Variants in CNTN1 observed in about 807,000 individuals in gnomAD.
The protein encoded by CNTN1 is contactin 1.
Under a neutral mutation model 126.4 loss-of-function variants are expected in CNTN1, and 38 were observed. The ratio of observed to expected loss-of-function variants is 0.30; its 90% CI spans 0.23 to 0.39. The LOEUF is 0.39. Ranked by LOEUF, CNTN1 falls within the 10% of genes least tolerant of loss-of-function variation. The pLI is 1.00. For synonymous variants in CNTN1, 413 were observed against 422.6 expected (o/e 0.98, Z 0.28); for missense variants, 1,009 against 1,248.4 (o/e 0.81, Z 2.89).
At chr12:41,061,709 G>A in intron 23 of CNTN1, 1 of 439,598 alleles carries the variant, frequency 2.3e-6, no homozygotes, top group Non-Finnish European at 4.6e-6. Flanking sequence ...TACAGACTCA[G>A]GGCTGTAGTA....
At chr12:40,920,312 C>A (rs1393285536) in intron 4 of CNTN1, among the ~76,000 whole-genome samples, 1 of 148,510 alleles carries the variant, frequency 6.7e-6, no homozygotes, top group Non-Finnish European at 1.5e-5. Context: ...CATGCCCCCA[C>A]CCCACAGGCA....
At chr12:41,031,100 AAGG>A (rs1949137343) in intron 23 of CNTN1, among the ~76,000 whole-genome samples, 1 of 152,164 alleles carries the variant, frequency 6.6e-6, no homozygotes, top group South Asian at 2.1e-4. Context: ...TCCTCACCGA[AAGG>A]AGAACCTAGC....
chr12:41,003,157 T>G (rs1360071811), intron 17 of CNTN1, among the ~76,000 whole-genome samples: 1 of 152,148 alleles, frequency 6.6e-6, no homozygotes, highest in Non-Finnish European at 1.5e-5. Flanking sequence ...CATGACGGGG[T>G]GTTGAATTTT....
chr12:40,888,947 C>A (rs1315721360), intron 1 of CNTN1, among the ~76,000 whole-genome samples: 1 of 152,262 alleles, frequency 6.6e-6, no homozygotes, highest in Non-Finnish European at 1.5e-5. Flanking sequence ...TCCTGCCACT[C>A]GGTTCACTCC....
chr12:40,718,156 T>C (rs1247243634), intron 1 of CNTN1, among the ~76,000 whole-genome samples: 1 of 151,914 alleles, frequency 6.6e-6, no homozygotes, highest in Non-Finnish European at 1.5e-5. Flanking sequence ...TTTCCTGAGG[T>C]TCATGAAAGG....
intron 1 of CNTN1, among the ~76,000 whole-genome samples, chr12:40,810,246 A>T (rs1354698961): frequency 6.6e-6 from 1 of 152,164 alleles, no homozygotes; most frequent in Non-Finnish European, 1.5e-5. Context: ...TATACTTGAC[A>T]AATAAAAATT....
intron 1 of CNTN1, among the ~76,000 whole-genome samples, chr12:40,710,157 A>G (rs1182914123): frequency 6.6e-6 from 1 of 152,120 alleles, no homozygotes; most frequent in Admixed American, 6.6e-5. Context: ...CAGAGGAATC[A>G]CTATGGCAGC....
At chr12:40,917,005 C>T (rs10784948) in intron 3 of CNTN1, among the ~76,000 whole-genome samples, 18,469 of 125,086 alleles carry the variant, frequency 0.15, 1,188 homozygotes, top group Middle Eastern at 0.19. Context: ...CCCTTTGAAA[C>T]ATTTTGGGTT....
chr12:40,968,050 G>A lies in CNTN1; in HGVS notation c.1804+8816G>A, dbSNP rs1032994702. On this transcript the variant is annotated intron_variant, in intron 15 of 23. Transcript: ENST00000551295. ...GATTTAATTTTAAAGGACAGGTATCGTTACTGTATTATATTCATTTTACAC... is the reference window on the plus strand; with the variant it reads ...GATTTAATTTTAAAGGACAGGTATCATTACTGTATTATATTCATTTTACAC... Among the ~76,000 whole-genome samples the A allele has an allele frequency of 6.0e-5, 9 of 151,212 alleles. No homozygotes were observed. The Admixed American group carries it at 6.0e-4, about 10-fold the overall frequency.
At chr12:40,814,907 C>T (rs1251293482) in intron 1 of CNTN1, among the ~76,000 whole-genome samples, 3 of 152,056 alleles carry the variant, frequency 2.0e-5, no homozygotes, top group Non-Finnish European at 2.9e-5. Context: ...CGAAAAGGTC[C>T]TTCCCATCCC....
At chr12:40,933,421 C>T (rs1295623877) in intron 7 of CNTN1, 40 bp from the exon 8 acceptor site, 1 of 1,264,074 alleles carries the variant, frequency 7.9e-7, no homozygotes, top group African/African-American at 1.5e-5. Flanking sequence ...TAATATTGTG[C>T]CTAATAATTA....
rs1287650880 is a variant in CNTN1, at chr12:40,762,176, C to T, written c.-77+69584C>T. 2.0e-5 allele frequency among the ~76,000 whole-genome samples: 3 copies of T among 152,156 alleles called. No individual in the cohort carries two copies. In the East Asian group the frequency reaches 5.8e-4, roughly 29 times the overall value. On this transcript the variant is annotated intron_variant, in intron 1 of 23. Transcript: ENST00000551295. ...CTTTCAAAGGAATAGTAAGTACAAA[C>T]ATTATGAATTTTACTGTTACACATA...
intron 20 of CNTN1, 57 bp from the exon 21 acceptor site, chr12:41,025,093 T>C (rs1949010687): frequency 6.4e-7 from 1 of 1,572,354 alleles, no homozygotes; most frequent in Admixed American, 1.7e-5. Flanking sequence ...AAGAGAACTT[T>C]TCATAGCTGA....
chr12:40,759,329 C>T (rs1450717237), intron 1 of CNTN1, among the ~76,000 whole-genome samples: 1 of 152,086 alleles, frequency 6.6e-6, no homozygotes, highest in African/African-American at 2.4e-5. Flanking sequence ...TTGGCTGGGT[C>T]AAGGGAGCTC....
intron 1 of CNTN1, among the ~76,000 whole-genome samples, chr12:40,867,679 T>C (rs957931764): frequency 6.6e-6 from 1 of 152,060 alleles, no homozygotes; most frequent in Non-Finnish European, 1.5e-5. Flanking sequence ...GACAGATAAT[T>C]TTTGAAGTTT....
chr12:41,015,394 A>G (rs759246204), intron 18 of CNTN1, among the ~76,000 whole-genome samples: 12 of 152,168 alleles, frequency 7.9e-5, no homozygotes, highest in Non-Finnish European at 1.6e-4. Flanking sequence ...TCCTCCAAAG[A>G]TTCAAATTCA....
At chr12:40,767,312 T>TTTTA (rs1939137557) in intron 1 of CNTN1, among the ~76,000 whole-genome samples, 1 of 137,406 alleles carries the variant, frequency 7.3e-6, no homozygotes, top group Non-Finnish European at 1.6e-5. Flanking sequence ...TCCTTTTTTT[T>TTTTA]TTTTTTTTTT....
intron 15 of CNTN1, chr12:40,979,055 A>G (rs1297685806): frequency 1.3e-5 from 2 of 152,144 alleles, no homozygotes; most frequent in East Asian, 1.9e-4. Flanking sequence ...CTGTATTTCA[A>G]TGTGTTTTCT....
chr12:40,856,791 T>C (rs913193060), intron 1 of CNTN1, among the ~76,000 whole-genome samples: 1 of 152,008 alleles, frequency 6.6e-6, no homozygotes, highest in Non-Finnish European at 1.5e-5. Context: ...TCCTGCAAGG[T>C]TGACTTTGAG....
Sources: gnomAD v4.1 joint callset for allele counts (sites outside exome capture counted in the v4.1 genomes callset) on GRCh38, gnomAD v4.1.1 for gene constraint, MANE v1.5 for transcripts, NCBI Gene and HGNC (gene_info 2026-07-23, HGNC 2026-07-21) for gene names.